The following ATP10A variants were observed in gnomAD, a reference collection of about 807,000 sequenced individuals.
ATP10A encodes the protein ATPase phospholipid transporting 10A (putative), also known as phospholipid-transporting ATPase VA.
Under a neutral mutation model 147.8 loss-of-function variants are expected in ATP10A, and 111 were observed. That is an observed-to-expected ratio of 0.75 (90% CI 0.64 to 0.88). ATP10A has a LOEUF of 0.88. Ranked by LOEUF, ATP10A falls within the 40% of genes least tolerant of loss-of-function variation. The probability of loss-of-function intolerance (pLI) is 0.00; values close to 1 mark genes in which losing one functional copy is unlikely to be tolerated. For synonymous variants in ATP10A, 875 were observed against 841.6 expected (o/e 1.04, Z -0.69); for missense variants, 1,927 against 1,959.0 (o/e 0.98, Z 0.31).
chr15:25,725,887 G>C, intron 5 of ATP10A, 64 bp downstream of exon 5: 1 of 1,532,154 alleles, frequency 6.5e-7, no homozygotes, highest in Non-Finnish European at 8.8e-7. Context: ...CAAAGTGCTA[G>C]GATTACGGGC....
At chr15:25,673,834 G>T (rs1008097017), downstream of ATP10A, among the ~76,000 whole-genome samples, 1 of 152,182 alleles carries the variant, frequency 6.6e-6, no homozygotes, top group Non-Finnish European at 1.5e-5. Context: ...GGGCTTCTTA[G>T]CCCTGTCTTG....
At chr15:25,711,081 C>G (rs547648018) in intron 10 of ATP10A, among the ~76,000 whole-genome samples, 1 of 152,192 alleles carries the variant, frequency 6.6e-6, no homozygotes, top group South Asian at 2.1e-4. Flanking sequence ...GGGATTTGAA[C>G]AGAGATCTGT....
intron 1 of ATP10A, among the ~76,000 whole-genome samples, chr15:25,842,274 G>A (rs560840930): frequency 3.5e-4 from 53 of 152,234 alleles, no homozygotes; most frequent in Non-Finnish European, 7.1e-4. Context: ...ACCTGTTGGC[G>A]GTTCTGGTTA....
At position 25,683,402 on chromosome 15, in the gene ATP10A, A is replaced by G. The variant is rs1224117399; in HGVS notation, c.3376T>C (p.Phe1126Leu). The change falls in exon 17 of 21, where the codon TTT becomes CTT. Residue 1126 changes from phenylalanine (F) to leucine (L), a missense_variant. Coordinates refer to ENST00000555815, the MANE Select transcript of ATP10A (RefSeq NM_024490.4). ...TMIDQWYLIFFNLLFSSLPPL... is the reference protein window; with the variant it reads ...TMIDQWYLIFLNLLFSSLPPL... ...GGAAGTGACGAGAAGAGCAGATTAA[A>G]GAAGATTAGATACCACTGGTCAATC... is the stretch of plus-strand genomic sequence containing the variant. 1 of 1,614,030 alleles carries G rather than the reference A, an allele frequency of 6.2e-7. No individual in the cohort carries two copies. The highest frequency in any genetic ancestry group is 8.5e-7 in the Non-Finnish European group (1 of 1,180,040).
At chr15:25,680,014 G>C (rs771412729) in intron 20 of ATP10A, 40 bp from the exon 21 acceptor site, 3 of 1,581,876 alleles carry the variant, frequency 1.9e-6, no homozygotes, top group Non-Finnish European at 2.6e-6. Context: ...AGATATTCCT[G>C]TCGGTGGTGT....
intron 1 of ATP10A, among the ~76,000 whole-genome samples, chr15:25,836,035 G>C (rs574813858): frequency 2.0e-5 from 3 of 152,110 alleles, no homozygotes; most frequent in African/African-American, 4.8e-5. Context: ...GGATGGTCTC[G>C]ATCTCCTGAC....
intron 2 of ATP10A, among the ~76,000 whole-genome samples, chr15:25,768,571 T>C (rs1432710029): frequency 6.7e-6 from 1 of 148,662 alleles, no homozygotes; most frequent in African/African-American, 2.5e-5. Flanking sequence ...TGAGACAGGG[T>C]ATCACTCTGT....
intron 2 of ATP10A, among the ~76,000 whole-genome samples, chr15:25,759,967 A>C (rs61994077): frequency 1.7e-5 from 2 of 120,238 alleles, no homozygotes; most frequent in African/African-American, 5.8e-5. Context: ...CTGATCATGT[A>C]ATTTTTTTTT....
intron 1 of ATP10A, among the ~76,000 whole-genome samples, chr15:25,790,637 A>G (rs1416733114): frequency 1.3e-5 from 2 of 152,256 alleles, no homozygotes; most frequent in African/African-American, 2.4e-5. Context: ...TATTTTCCCC[A>G]GGAAACACTA....
At chr15:25,849,266 C>T (rs557778130) in intron 1 of ATP10A, among the ~76,000 whole-genome samples, 1 of 152,124 alleles carries the variant, frequency 6.6e-6, no homozygotes, top group Non-Finnish European at 1.5e-5. Context: ...GTGGCTTGCA[C>T]ACGTAAGGCA....
intron 9 of ATP10A, among the ~76,000 whole-genome samples, chr15:25,714,838 T>A (rs1306204796): frequency 6.6e-6 from 1 of 152,154 alleles, no homozygotes; most frequent in African/African-American, 2.4e-5. Flanking sequence ...AAATTTAATA[T>A]ACAAATCACA....
At chr15:25,720,023 C>T (rs1008492808) in intron 7 of ATP10A, among the ~76,000 whole-genome samples, 1 of 152,182 alleles carries the variant, frequency 6.6e-6, no homozygotes, top group African/African-American at 2.4e-5. Flanking sequence ...TTTCATTCAT[C>T]ACCAGGAAGC....
intron 1 of ATP10A, among the ~76,000 whole-genome samples, chr15:25,809,559 T>A (rs553007879): frequency 6.6e-6 from 1 of 152,304 alleles, no homozygotes; most frequent in Non-Finnish European, 1.5e-5. Flanking sequence ...GTAAAGCCTA[T>A]CTTCAAAGTA....
chr15:25,747,912 A>C (rs540629399), intron 2 of ATP10A, among the ~76,000 whole-genome samples: 2 of 152,336 alleles, frequency 1.3e-5, no homozygotes, highest in African/African-American at 2.4e-5. Flanking sequence ...AAACACAATA[A>C]ACATATTAAA....
At chr15:25,863,587 G>GC (rs1270648300), upstream of ATP10A, 1 of 152,462 alleles carries the variant, frequency 6.6e-6, no homozygotes, top group Non-Finnish European at 1.5e-5. Context: ...GAGAAAAGGC[G>GC]CCCCCGTCCC....
chr15:25,714,292 G>C, intron 9 of ATP10A, 51 bp from the exon 10 acceptor site: 9 of 1,558,342 alleles, frequency 5.8e-6, no homozygotes, highest in Non-Finnish European at 7.8e-6. Flanking sequence ...ATGTCCCCCA[G>C]AGGCCCCACC....
intron 11 of ATP10A, 47 bp downstream of exon 11, chr15:25,708,150 G>A (rs1901159593): frequency 6.2e-7 from 1 of 1,613,414 alleles, no homozygotes; most frequent in African/African-American, 1.3e-5. Context: ...TGCTCACTGT[G>A]GGGCGGCCAC....
intron 1 of ATP10A, among the ~76,000 whole-genome samples, chr15:25,847,276 C>T (rs1893064448): frequency 6.6e-6 from 1 of 152,160 alleles, no homozygotes; most frequent in African/African-American, 2.4e-5. Context: ...GACCCCAGAG[C>T]CCCAGGGCCA....
chr15:25,847,609 CTTTTTTTTTTTTTTTTTTTTTTTTTTT>C (rs34212354), intron 1 of ATP10A, among the ~76,000 whole-genome samples: 3 of 40,688 alleles, frequency 7.4e-5, no homozygotes, highest in Non-Finnish European at 1.0e-4. Flanking sequence ...CAGCTACAGC[CTTTTTTTTTTTTTTTTTTTTTTTTTTT>C]TTTTTTTTTT....
Sources: gnomAD v4.1 joint callset for allele counts (sites outside exome capture counted in the v4.1 genomes callset) on GRCh38, gnomAD v4.1.1 for gene constraint, MANE v1.5 for transcripts, NCBI Gene and HGNC (gene_info 2026-07-23, HGNC 2026-07-21) for gene names.